The following JAKMIP3 variants were observed in gnomAD, a reference collection of about 807,000 sequenced individuals.
The protein encoded by JAKMIP3 is Janus kinase and microtubule interacting protein 3.
In JAKMIP3, 58 loss-of-function variants were observed where a neutral mutation model predicts 118.5. That is an observed-to-expected ratio of 0.49 (90% CI 0.40 to 0.61). The LOEUF (loss-of-function observed/expected upper bound fraction) is 0.61. Among genes scored for constraint, JAKMIP3 ranks in the 20% least tolerant of loss-of-function variants. JAKMIP3 has a pLI of 0.00. For synonymous variants in JAKMIP3, 486 were observed against 451.2 expected (o/e 1.08, Z -0.98); for missense variants, 950 against 1,109.0 (o/e 0.86, Z 2.04).
rs536127947 is a variant in JAKMIP3, at chr10:132,085,984, T to C, written c.-137-18688T>C. 4.1e-3 allele frequency among the ~76,000 whole-genome samples: 631 copies of C among 152,268 alleles called. 3 individuals carry two copies. The highest frequency in any genetic ancestry group is 0.015 in the African/African-American group (603 of 41,556). On this transcript the variant is annotated intron_variant, in intron 1 of 23. Coordinates refer to ENST00000684848, the MANE Select transcript of JAKMIP3 (RefSeq NM_001323087.2). Reference sequence around the variant, plus strand: ...CTTAGATTGTTTGTGCTCTTGCAGATTTTTTGATGTAGGTGTTTAGGGCTA... The same window carrying C: ...CTTAGATTGTTTGTGCTCTTGCAGACTTTTTGATGTAGGTGTTTAGGGCTA...
chr10:132,183,391 C>T lies in JAKMIP3; in HGVS notation c.*2138C>T, dbSNP rs1306677754. 1 of 152,190 alleles carries T rather than the reference C, an allele frequency of 6.6e-6. No individual in the cohort carries two copies. The highest frequency in any genetic ancestry group is 1.5e-5 in the Non-Finnish European group (1 of 68,048). The allele number at this position is 152,190 out of a possible 1,614,324, so 9.4% of individuals were successfully genotyped here. A position where few individuals can be genotyped will look rare whatever the true frequency, so the allele number is the denominator to read the frequency against. On this transcript the variant is annotated 3_prime_UTR_variant, in exon 24 of 24. Coordinates refer to ENST00000684848, the MANE Select transcript of JAKMIP3 (RefSeq NM_001323087.2). ...AGATGTGCAGTGAAACTCACATTCC[C>T]AGATTCACATCCCTCATGTTTATTT...
chr10:132,115,031 G>T (rs2047410323), intron 2 of JAKMIP3, among the ~76,000 whole-genome samples: 1 of 152,216 alleles, frequency 6.6e-6, no homozygotes, highest in Admixed American at 6.5e-5. Flanking sequence ...ATGGTGAGTG[G>T]CTGCTGTGAT....
At chr10:132,104,264 G>T (rs2045561099) in intron 1 of JAKMIP3, among the ~76,000 whole-genome samples, 1 of 152,156 alleles carries the variant, frequency 6.6e-6, no homozygotes, top group Non-Finnish European at 1.5e-5. Context: ...CTGTGGAGGA[G>T]CCCGGTCACG....
intron 1 of JAKMIP3, among the ~76,000 whole-genome samples, chr10:132,052,871 G>T (rs1452954580): frequency 6.6e-6 from 1 of 152,138 alleles, no homozygotes; most frequent in Non-Finnish European, 1.5e-5. Context: ...TGCACTTTCT[G>T]CTAACTTTGC....
intron 7 of JAKMIP3, 50 bp downstream of exon 7, chr10:132,137,200 CT>C: frequency 6.2e-7 from 1 of 1,613,916 alleles, no homozygotes; most frequent in South Asian, 1.1e-5. Context: ...TCCCAAGGGG[CT>C]TGGCTAACAG....
chr10:132,116,872 A>G (rs2047758947), intron 2 of JAKMIP3, among the ~76,000 whole-genome samples: 1 of 142,644 alleles, frequency 7.0e-6, no homozygotes, highest in African/African-American at 2.7e-5. Context: ...CCCCCCGAAT[A>G]CACATTCAGG....
At chr10:132,166,955 T>A in intron 21 of JAKMIP3, 28 bp from the exon 22 acceptor site, 1 of 1,466,702 alleles carries the variant, frequency 6.8e-7, no homozygotes, top group Non-Finnish European at 9.3e-7. Flanking sequence ...TTTCCTTCCG[T>A]TTCTCCATCC....
At chr10:132,054,081 C>T (rs557777682) in intron 1 of JAKMIP3, among the ~76,000 whole-genome samples, 3 of 151,416 alleles carry the variant, frequency 2.0e-5, no homozygotes, top group African/African-American at 7.3e-5. Context: ...TGAAAGCAGG[C>T]CTGTGAACAT....
chr10:132,045,844 G>C (rs980515775), intron 1 of JAKMIP3, among the ~76,000 whole-genome samples: 2 of 151,412 alleles, frequency 1.3e-5, no homozygotes, highest in Admixed American at 1.3e-4. Flanking sequence ...TGAAGTGGGA[G>C]GATCACTTGA....
At chr10:132,124,209 C>A (rs975611573) in intron 3 of JAKMIP3, among the ~76,000 whole-genome samples, 27 of 152,268 alleles carry the variant, frequency 1.8e-4, no homozygotes, top group African/African-American at 6.0e-4. Context: ...ACCCGTCCTT[C>A]TGCTGCTGCT....
chr10:132,103,272 A>G (rs1309858561), intron 1 of JAKMIP3, among the ~76,000 whole-genome samples: 1 of 151,670 alleles, frequency 6.6e-6, no homozygotes, highest in East Asian at 1.9e-4. Flanking sequence ...TGGACCTGTT[A>G]GGAGCACCGG....
intron 1 of JAKMIP3, among the ~76,000 whole-genome samples, chr10:132,042,065 C>A (rs955292596): frequency 1.3e-5 from 2 of 151,978 alleles, no homozygotes; most frequent in Non-Finnish European, 2.9e-5. Flanking sequence ...GGGGGTTTCA[C>A]CACATTGGCC....
At chr10:132,051,970 C>A (rs2038118084) in intron 1 of JAKMIP3, among the ~76,000 whole-genome samples, 1 of 152,140 alleles carries the variant, frequency 6.6e-6, no homozygotes, top group African/African-American at 2.4e-5. Flanking sequence ...TGGCTCACAC[C>A]CAGTACTTTG....
At position 132,112,259 on chromosome 10, in the gene JAKMIP3, G is replaced by A. The variant is rs779438162; in HGVS notation, c.136-4818G>A. ...TGAGCACAGGTGCCTGCTGTCCCGC[G>A]GGGCACACGGGCCTCAGGTGTGGGA... On this transcript the variant is annotated intron_variant, in intron 2 of 23. Transcript: ENST00000684848. The surrounding 1 kb of genome is among the most constrained non-coding windows in gnomAD (Gnocchi z 4.3). 3.3e-5 allele frequency among the ~76,000 whole-genome samples: 5 copies of A among 152,120 alleles called. No individual in the cohort carries two copies. The highest frequency in any genetic ancestry group is 5.9e-5 in the Non-Finnish European group (4 of 68,012).
intron 14 of JAKMIP3, among the ~76,000 whole-genome samples, chr10:132,148,637 G>A (rs745615889): frequency 6.6e-6 from 1 of 152,052 alleles, no homozygotes; most frequent in African/African-American, 2.4e-5. Context: ...GGGCCACGCG[G>A]TGACTGGGAG....
At chr10:132,048,903 G>T (rs956676746) in intron 1 of JAKMIP3, among the ~76,000 whole-genome samples, 1 of 152,112 alleles carries the variant, frequency 6.6e-6, no homozygotes, top group Non-Finnish European at 1.5e-5. Context: ...GCCTCCCAAA[G>T]TGCTGGGATT....
chr10:132,073,334 T>C (rs570129076), intron 1 of JAKMIP3, among the ~76,000 whole-genome samples: 5 of 152,110 alleles, frequency 3.3e-5, no homozygotes, highest in East Asian at 1.9e-4. Context: ...TACAGGCGCC[T>C]GCCACCGGGC....
intron 3 of JAKMIP3, among the ~76,000 whole-genome samples, chr10:132,130,999 A>C (rs2135641660): frequency 1.3e-5 from 2 of 150,542 alleles, no homozygotes; most frequent in South Asian, 2.1e-4. Flanking sequence ...GGGGCAGGCA[A>C]GTCGGGGGCG....
chr10:132,139,178 G>A (rs989714696), intron 9 of JAKMIP3, among the ~76,000 whole-genome samples: 11 of 101,546 alleles, frequency 1.1e-4, no homozygotes, highest in Non-Finnish European at 1.4e-4. Context: ...GTGTGTATGT[G>A]TCTGTGTATG....
Sources: allele counts gnomAD v4.1 joint callset (sites outside exome capture counted in the v4.1 genomes callset), GRCh38; gene constraint gnomAD v4.1.1; non-coding constraint Gnocchi (gnomAD v3.1); transcripts MANE v1.5; gene names NCBI Gene and HGNC (gene_info 2026-07-23, HGNC 2026-07-21).